DOCK9: variants seen among roughly 807,000 people sequenced by gnomAD.
The protein encoded by DOCK9 is dedicator of cytokinesis protein 9.
In DOCK9, 89 loss-of-function variants were observed where a neutral mutation model predicts 263.3. The observed-to-expected ratio is 0.34, with a 90% CI of 0.28 to 0.40. The LOEUF (loss-of-function observed/expected upper bound fraction) is 0.40, where lower values mean the gene tolerates loss of function less well. Ranked by LOEUF, DOCK9 falls within the 10% of genes least tolerant of loss-of-function variation. The pLI is 1.00. For synonymous variants in DOCK9, 976 were observed against 973.1 expected, an observed-to-expected ratio of 1.00 and a Z score of -0.06; for missense variants, 2,140 against 2,603.4, an observed-to-expected ratio of 0.82 and a Z score of 3.87.
At chr13:98,923,445 C>T in intron 4 of DOCK9, 74 bp from the exon 5 acceptor site, 1 of 1,243,900 alleles carries the variant, frequency 8.0e-7, no homozygotes, top group South Asian at 1.2e-5. Flanking sequence ...CTTCCTCCAT[C>T]ATAGGGCCCG....
chr13:98,850,543 A>C (rs564765384), intron 35 of DOCK9, among the ~76,000 whole-genome samples: 6 of 150,590 alleles, frequency 4.0e-5, no homozygotes, highest in African/African-American at 7.3e-5. Context: ...TTGCTCTCTG[A>C]GTTTTAACTG....
At chr13:99,073,228 G>GTCAA (rs1248151331) in intron 1 of DOCK9, among the ~76,000 whole-genome samples, 2 of 152,102 alleles carry the variant, frequency 1.3e-5, no homozygotes, top group Non-Finnish European at 2.9e-5. Flanking sequence ...TACCCCTGAT[G>GTCAA]TCAATTCCCA....
intron 27 of DOCK9, among the ~76,000 whole-genome samples, chr13:98,874,286 T>C (rs534494986): frequency 3.8e-4 from 58 of 152,226 alleles, no homozygotes; most frequent in Non-Finnish European, 7.1e-4. Context: ...TAGAATGCTT[T>C]TGAGATCCAA....
chr13:99,087,821 G>C (rs1484752419), upstream of DOCK9: 2 of 152,346 alleles, frequency 1.3e-5, no homozygotes, highest in African/African-American at 2.4e-5. Context: ...GTTGCCTTCC[G>C]ATGGACAGTT....
Position 98,902,985 on chromosome 13 carries a change from C to T in DOCK9, c.1163G>A (p.Gly388Glu). The T allele has an allele frequency of 6.6e-7, 1 of 1,511,736 alleles. No homozygotes were observed. The allele number at this position is 1,511,736 out of a possible 1,614,324, so 93.6% of individuals were successfully genotyped here. Residue 388 changes from glycine to glutamate, a missense_variant, in exon 11 of 53, where the codon GGA becomes GAA. Coordinates refer to ENST00000682017, the MANE Select transcript of DOCK9 (RefSeq NM_001366683.2). ...ATGAAAAATTACATTTGTAGTGGGT[C>T]CTTCTTCATTTTCGGCAACACAGCA... Reference protein sequence around the residue: ...LQCCVAENEEGPTTNVEPFFV... With the variant: ...LQCCVAENEEEPTTNVEPFFV...
intron 15 of DOCK9, among the ~76,000 whole-genome samples, chr13:98,894,957 C>CA (rs71114557): frequency 0.55 from 40,120 of 72,426 alleles, 13,314 homozygotes; most frequent in Non-Finnish European, 0.65. Context: ...TACTAAAATA[C>CA]AAAAAAAAAA....
At chr13:99,053,255 A>G (rs2142224541) in intron 1 of DOCK9, among the ~76,000 whole-genome samples, 1 of 152,360 alleles carries the variant, frequency 6.6e-6, no homozygotes, top group African/African-American at 2.4e-5. Flanking sequence ...TTGTTAAATG[A>G]CAAAATTTCC....
intron 3 of DOCK9, among the ~76,000 whole-genome samples, chr13:98,929,807 C>T (rs2053623695): frequency 6.6e-6 from 1 of 151,938 alleles, no homozygotes; most frequent in Non-Finnish European, 1.5e-5. Context: ...GTGTGTCACC[C>T]TTAAAAACAG....
rs2057927373 is a variant in DOCK9, at chr13:98,955,341, AT to A, written c.243+93del. The A allele has an allele frequency of 1.5e-4, 119 of 820,020 alleles. No homozygotes were observed. In the South Asian group the frequency reaches 2.8e-3, roughly 20 times the overall value. 50.8% of individuals were successfully genotyped at this position (820,020 alleles called of 1,614,324 possible). A position where few individuals can be genotyped will look rare whatever the true frequency, so the allele number is the denominator to read the frequency against. Reference sequence around the variant, plus strand: ...CTCAAAAAAAATAATAATAATAATAATTAACTAACCAAACAATAAATCAATA... The same window carrying A: ...CTCAAAAAAAATAATAATAATAATAATAACTAACCAAACAATAAATCAATA... On this transcript the variant is annotated intron_variant, in intron 2 of 52. Coordinates refer to ENST00000682017, the MANE Select transcript of DOCK9 (RefSeq NM_001366683.2).
At chr13:99,023,124 AGAAAT>A (rs1285714835) in intron 1 of DOCK9, among the ~76,000 whole-genome samples, 4 of 152,268 alleles carry the variant, frequency 2.6e-5, no homozygotes, top group Admixed American at 1.3e-4. Flanking sequence ...TAGACACAAA[AGAAAT>A]GAAAGCAAGA....
chr13:98,921,869 G>A (rs111901812), intron 6 of DOCK9, among the ~76,000 whole-genome samples, 182 bp downstream of exon 6: 2 of 152,308 alleles, frequency 1.3e-5, no homozygotes, highest in African/African-American at 4.8e-5. Flanking sequence ...AAGACAGTGA[G>A]GGAAAGTGGG....
At chr13:98,990,114 G>A (rs2141696299) in intron 1 of DOCK9, among the ~76,000 whole-genome samples, 1 of 152,334 alleles carries the variant, frequency 6.6e-6, no homozygotes, top group South Asian at 2.1e-4. Flanking sequence ...AAGTTCAAAT[G>A]TGTGACCATC....
chr13:98,992,952 G>C, intron 1 of DOCK9, among the ~76,000 whole-genome samples: 1 of 152,294 alleles, frequency 6.6e-6, no homozygotes, highest in Middle Eastern at 3.4e-3. Flanking sequence ...TATCCAGAAA[G>C]GTGTGGAAGT....
chr13:99,072,615 C>G (rs937679767), intron 1 of DOCK9, among the ~76,000 whole-genome samples: 1 of 152,150 alleles, frequency 6.6e-6, no homozygotes, highest in African/African-American at 2.4e-5. Flanking sequence ...TATCTATACC[C>G]ACTAACCCTG....
chr13:98,977,384 C>T (rs1024426937), intron 1 of DOCK9, among the ~76,000 whole-genome samples: 7 of 152,172 alleles, frequency 4.6e-5, no homozygotes, highest in African/African-American at 1.4e-4. Context: ...ATGGGACCTG[C>T]CTCATTTTCT....
intron 33 of DOCK9, chr13:98,859,242 G>A (rs757837508): frequency 9.9e-5 from 15 of 152,204 alleles, no homozygotes; most frequent in Non-Finnish European, 1.8e-4. Flanking sequence ...AAAGGCAAAT[G>A]GAAACTCGTG....
In DOCK9 at chr13:98,883,151, AAAG is replaced by A. The variant is rs752822274; in HGVS notation, c.2470-23_2470-21del. The A allele has an allele frequency of 1.9e-6, 3 of 1,577,172 alleles. No homozygotes were observed. Among genetic ancestry groups the A allele is most frequent in the African/African-American group, 1.4e-5 (1 of 73,720 alleles). On this transcript the variant is annotated intron_variant, in intron 22 of 52. Coordinates refer to ENST00000682017, the MANE Select transcript of DOCK9 (RefSeq NM_001366683.2). Reference sequence around the variant, plus strand: ...CTGATCCTGAGGTAGGGAAAAAGGAAAAGAAGAAGAAAGTCTATTAGAATACAC... The same window carrying A: ...CTGATCCTGAGGTAGGGAAAAAGGAAAAGAAGAAAGTCTATTAGAATACAC...
chr13:98,810,408 C>T, intron 45 of DOCK9, 117 bp from the exon 46 acceptor site: 1 of 1,230,590 alleles, frequency 8.1e-7, no homozygotes, highest in Non-Finnish European at 1.1e-6. Context: ...CAATAGACAA[C>T]ATGCATCAAC....
intron 33 of DOCK9, 131 bp from the exon 34 acceptor site, chr13:98,856,162 T>C: frequency 1.2e-6 from 1 of 853,498 alleles, no homozygotes; most frequent in Non-Finnish European, 1.8e-6. Context: ...AAGAGTTGCA[T>C]TCCATTACTT....
Sources: gnomAD v4.1 joint callset for allele counts (sites outside exome capture counted in the v4.1 genomes callset) on GRCh38, gnomAD v4.1.1 for gene constraint, MANE v1.5 for transcripts, NCBI Gene and HGNC (gene_info 2026-07-23, HGNC 2026-07-21) for gene names.